The following SCP2 variants were observed in gnomAD, a reference collection of about 807,000 sequenced individuals.
SCP2 encodes SCP-2/3-oxoacyl-CoA thiolase.
A neutral mutation model predicts 71.4 loss-of-function variants in SCP2; 48 were observed. That is an observed-to-expected ratio of 0.67 (90% confidence interval 0.53 to 0.86). SCP2 has a LOEUF of 0.86. Among genes scored for constraint, SCP2 ranks in the 40% least tolerant of loss-of-function variants. The probability of loss-of-function intolerance (pLI) is 0.00; values close to 1 mark genes in which losing one functional copy is unlikely to be tolerated. For synonymous variants in SCP2, 220 were observed against 218.1 expected (o/e 1.01, Z -0.08); for missense variants, 560 against 655.6 (o/e 0.85, Z 1.59).
In SCP2 at chr1:52,976,781, A is replaced by G; in HGVS notation, c.674+12A>G. 2 of 1,258,442 alleles carry G rather than the reference A, an allele frequency of 1.6e-6. No individual in the cohort carries two copies. Among genetic ancestry groups the G allele is most frequent in the African/African-American group, 1.5e-5 (1 of 67,870 alleles). 78.0% of individuals were successfully genotyped at this position (1,258,442 alleles called of 1,614,324 possible). ...ATCTTACAATGTTGGTAAGAAAAAT[A>G]TATTTTAACATTTAATGAGGGAAGT... On this transcript the variant is annotated intron_variant, in intron 8 of 15. Coordinates refer to ENST00000371514, the MANE Select transcript of SCP2 (RefSeq NM_002979.5).
In SCP2 at chr1:53,019,666, C is replaced by T. The variant is rs146371100; in HGVS notation, c.1235+4623C>T. On this transcript the variant is annotated intron_variant, in intron 12 of 15. Coordinates refer to ENST00000371514, the MANE Select transcript of SCP2 (RefSeq NM_002979.5). The stretch of plus-strand genomic sequence containing the variant: ...TGTGCTTGTTATTATTACTTCTAGG[C>T]CTTTTCAGCAAGCGCAGTAGCACAC... Among the ~76,000 whole-genome samples, 1,480 of 152,246 alleles carry T rather than the reference C, an allele frequency of 9.7e-3. 13 individuals carry two copies. Among genetic ancestry groups the T allele is most frequent in the Admixed American group, 0.014 (219 of 15,292 alleles).
At chr1:53,039,731 C>G (rs756360932) in intron 14 of SCP2, among the ~76,000 whole-genome samples, 1 of 152,212 alleles carries the variant, frequency 6.6e-6, no homozygotes, top group South Asian at 2.1e-4. Context: ...TGTTCCAAGG[C>G]TCAGTTCTAT....
chr1:53,008,677 T>G (rs544490416), intron 11 of SCP2, among the ~76,000 whole-genome samples: 1 of 152,192 alleles, frequency 6.6e-6, no homozygotes, highest in East Asian at 1.9e-4. Context: ...AATATCATAC[T>G]GAATGGGCCA....
chr1:52,944,936 C>T (rs925042604), intron 2 of SCP2, among the ~76,000 whole-genome samples: 2 of 151,834 alleles, frequency 1.3e-5, no homozygotes, highest in African/African-American at 2.4e-5. Flanking sequence ...CGTGAGCCAC[C>T]GTGTCTGGCC....
intron 11 of SCP2, among the ~76,000 whole-genome samples, chr1:53,003,323 A>G (rs1333640917): frequency 6.6e-6 from 1 of 152,080 alleles, no homozygotes; most frequent in Non-Finnish European, 1.5e-5. Context: ...GGCTCAAATG[A>G]TTCTACTATC....
At chr1:53,032,550 G>A (rs1004883301) in intron 13 of SCP2, among the ~76,000 whole-genome samples, 3 of 152,176 alleles carry the variant, frequency 2.0e-5, no homozygotes, top group African/African-American at 7.2e-5. Context: ...ACAAGCACTT[G>A]GCACGTAAGT....
rs369066062 is a variant in SCP2 at position 52,954,786 on chromosome 1, G to A, written c.378G>A (p.Lys126=). 9 of 1,613,426 alleles carry A rather than the reference G, an allele frequency of 5.6e-6. No individual in the cohort carries two copies. The highest frequency in any genetic ancestry group is 1.7e-5 in the Admixed American group (1 of 59,996). ...CTCTTGGGTTTGAGAAGATGAGTAA[G>A]GGAAGCCTTGGAATAAAAGTGAGTG... is the stretch of plus-strand genomic sequence containing the variant. ...VLALGFEKMS[K]GSLGIKFSDR... The change falls in exon 5 of 16, where the codon AAG becomes AAA. Residue 126 remains lysine, a synonymous_variant. Coordinates refer to ENST00000371514, the MANE Select transcript of SCP2 (RefSeq NM_002979.5).
At chr1:52,946,762 A>T (rs1185526090) in intron 2 of SCP2, among the ~76,000 whole-genome samples, 5 of 33,742 alleles carry the variant, frequency 1.5e-4, no homozygotes, top group Admixed American at 8.3e-4. Context: ...TATATGTTTA[A>T]AAAAAAAAAA....
intron 11 of SCP2, among the ~76,000 whole-genome samples, chr1:53,002,963 C>A (rs1007377216): frequency 1.9e-4 from 29 of 152,170 alleles, no homozygotes; most frequent in African/African-American, 6.0e-4. Context: ...AAAAAGCCAG[C>A]AAGTCAGTAA....
rs557253655 is a variant in SCP2, at chr1:53,025,574, C to T, written c.1236-2395C>T. On this transcript the variant is annotated intron_variant, in intron 12 of 15. Transcript: ENST00000371514. ...ATCACCCAGTTATTCAGGCCAAATGCCTGGATAATCCTTGCCCTTTCCTCT... is the reference window on the plus strand; with the variant it reads ...ATCACCCAGTTATTCAGGCCAAATGTCTGGATAATCCTTGCCCTTTCCTCT... 7.2e-5 allele frequency among the ~76,000 whole-genome samples: 11 copies of T among 152,260 alleles called. No homozygotes were observed. The South Asian group carries it at 1.9e-3, about 26-fold the overall frequency.
intron 13 of SCP2, among the ~76,000 whole-genome samples, chr1:53,032,554 C>T (rs1022598652): frequency 3.3e-5 from 5 of 151,916 alleles, no homozygotes; most frequent in South Asian, 2.1e-4. Flanking sequence ...GCACTTGGCA[C>T]GTAAGTTCAT....
At chr1:52,962,415 C>A (rs1444041415) in intron 6 of SCP2, among the ~76,000 whole-genome samples, 1 of 152,038 alleles carries the variant, frequency 6.6e-6, no homozygotes, top group Admixed American at 6.6e-5. Flanking sequence ...GCTTGTGCAC[C>A]TCCAGAGTCA....
At chr1:53,010,619 G>T (rs1660926532) in intron 11 of SCP2, among the ~76,000 whole-genome samples, 1 of 152,032 alleles carries the variant, frequency 6.6e-6, no homozygotes, top group African/African-American at 2.4e-5. Flanking sequence ...CACACACTGG[G>T]GTCTGTCGTT....
In SCP2 at chr1:52,983,113, T is replaced by C. The variant is rs76565845; in HGVS notation, c.973+2570T>C. On this transcript the variant is annotated intron_variant, in intron 10 of 15. Coordinates refer to ENST00000371514, the MANE Select transcript of SCP2 (RefSeq NM_002979.5). ...TCCTAAAGGAACTCTGGGCTGATTA[T>C]AGAATTCTAGGTTGACAGGTCTTTT... Among the ~76,000 whole-genome samples the C allele has an allele frequency of 6.2e-3, 948 of 152,346 alleles. 15 individuals are homozygous for C. Among genetic ancestry groups the C allele is most frequent in the African/African-American group, 0.022 (912 of 41,582 alleles).
At position 53,049,843 on chromosome 1, in the gene SCP2, A is replaced by G. The variant is rs377083630; in HGVS notation, c.1549-766A>G. On this transcript the variant is annotated intron_variant, in intron 15 of 15. Transcript: ENST00000371514. ...CCATGGATGATGTAGAAGAGCTCCT[A>G]GCTTCTTAATGTACTGTTAAAAACC... is the stretch of plus-strand genomic sequence containing the variant. 1.2e-4 allele frequency: 18 copies of G among 152,318 alleles called. No individual in the cohort carries two copies. The East Asian group carries it at 2.3e-3, about 20-fold the overall frequency. 9.4% of individuals were successfully genotyped at this position (152,318 alleles called of 1,614,324 possible). A position where few individuals can be genotyped will look rare whatever the true frequency, so the allele number is the denominator to read the frequency against.
At chr1:52,967,922 AG>A (rs1476020541) in intron 6 of SCP2, among the ~76,000 whole-genome samples, 1 of 152,128 alleles carries the variant, frequency 6.6e-6, no homozygotes, top group Non-Finnish European at 1.5e-5. Flanking sequence ...TGCAGTTGTC[AG>A]TTTTCCAACA....
intron 15 of SCP2, chr1:53,048,190 G>A: frequency 2.3e-6 from 1 of 428,376 alleles, no homozygotes; most frequent in South Asian, 2.0e-5. Flanking sequence ...TGCAGCCAGA[G>A]ATCCAAGGTG....
Position 52,944,354 on chromosome 1 carries a change from C to T in SCP2, c.127+2501C>T, listed in dbSNP as rs189621706. Among the ~76,000 whole-genome samples, 6 of 152,034 alleles carry T rather than the reference C, an allele frequency of 3.9e-5. No homozygotes were observed. In the East Asian group the frequency reaches 1.2e-3, roughly 29 times the overall value. ...TTCTTTTTTCTCTTTCTAACTATTC[C>T]TTCAACATCAACTCTGATTATTCAA... On this transcript the variant is annotated intron_variant, in intron 2 of 15. Transcript: ENST00000371514.
chr1:52,993,340 T>C, intron 11 of SCP2: 1 of 1,614,244 alleles, frequency 6.2e-7, no homozygotes, highest in Non-Finnish European at 8.5e-7. Flanking sequence ...TAATCTTTGC[T>C]GATGCCTCCA....
Sources: allele counts gnomAD v4.1 joint callset (sites outside exome capture counted in the v4.1 genomes callset), GRCh38; gene constraint gnomAD v4.1.1; transcripts MANE v1.5; gene names NCBI Gene and HGNC (gene_info 2026-07-23, HGNC 2026-07-21).